Variants in RNF17 observed in about 807,000 individuals in gnomAD.
RNF17 encodes spermatogenesis associated 23.
A neutral mutation model predicts 200.5 loss-of-function variants in RNF17; 31 were observed. The ratio of observed to expected loss-of-function variants is 0.15; its 90% confidence interval spans 0.12 to 0.21. The LOEUF (loss-of-function observed/expected upper bound fraction) is 0.21. Ranked by LOEUF, RNF17 falls within the 10% of genes least tolerant of loss-of-function variation. RNF17 has a pLI of 1.00. For missense variants in RNF17, 1,628 were observed against 1,905.1 expected, an observed-to-expected ratio of 0.85 and a Z score of 2.71; for synonymous variants, 606 against 637.8, an observed-to-expected ratio of 0.95 and a Z score of 0.75.
At chr13:24,779,247 A>G (rs946612608) in intron 4 of RNF17, among the ~76,000 whole-genome samples, 1 of 152,054 alleles carries the variant, frequency 6.6e-6, no homozygotes, top group African/African-American at 2.4e-5. Flanking sequence ...GAAGGGGAGA[A>G]AGCACTTAAT....
chr13:24,771,739 C>T (rs9888497), intron 2 of RNF17, among the ~76,000 whole-genome samples: 65,294 of 151,182 alleles, frequency 0.43, 14,173 homozygotes, highest in East Asian at 0.47. Flanking sequence ...GTTGGCTGAG[C>T]TCACGCCTGT....
chr13:24,778,176 C>T (rs569333148), intron 3 of RNF17, 119 bp from the exon 4 acceptor site: 7 of 626,916 alleles, frequency 1.1e-5, no homozygotes, highest in African/African-American at 3.8e-5. Flanking sequence ...GTGGGATGAT[C>T]GCTGGAGCCT....
chr13:24,862,755 C>A lies in RNF17; in HGVS notation c.3937C>A (p.Gln1313Lys). Residue 1313 changes from glutamine (Q) to lysine (K), a missense_variant, in exon 28 of 36, where the codon CAA becomes AAA. Transcript: ENST00000255324. ...WQPDAIEVLQ[Q>K]LLSKRQVDIH... ...ACCAGATGCAATAGAAGTTCTTCAACAACTGCTTTCAAAGAGACAGGTGGA... is the reference window on the plus strand; with the variant it reads ...ACCAGATGCAATAGAAGTTCTTCAAAAACTGCTTTCAAAGAGACAGGTGGA... 1.9e-6 allele frequency: 3 copies of A among 1,608,590 alleles called. No individual in the cohort carries two copies. The highest frequency in any genetic ancestry group is 1.1e-5 in the South Asian group (1 of 90,902).
chr13:24,748,297 G>T, the RNF17 span, among the ~76,000 whole-genome samples: 1 of 152,214 alleles, frequency 6.6e-6, no homozygotes, highest in Admixed American at 6.5e-5. Context: ...CATCAAAAGT[G>T]GCAGTAATTA....
the RNF17 span, among the ~76,000 whole-genome samples, chr13:24,752,397 C>A: frequency 6.6e-6 from 1 of 152,182 alleles, no homozygotes; most frequent in South Asian, 2.1e-4. Flanking sequence ...ATGCTTCAGC[C>A]ATAAAGCTTT....
Position 24,778,303 on chromosome 13 carries a change from A to T in RNF17, c.326A>T (p.Asn109Ile). 6.3e-7 allele frequency: 1 copy of T among 1,599,772 alleles called. No homozygotes were observed. The change falls in exon 4 of 36, where the codon AAT becomes ATT. Residue 109 changes from asparagine to isoleucine, a missense_variant. Physicochemically the swap from Asn to Ile is moderately radical, Grantham distance 149. This residue lies in a region of RNF17 where 502 missense variants were observed against 501.7 expected (regional missense o/e 1.00). Coordinates refer to ENST00000255324, the MANE Select transcript of RNF17 (RefSeq NM_031277.3). Reference sequence around the variant, plus strand: ...TACTTGATACTTTTCAGGATAAAGAATTGTTCTCAGGACTTTAAGAAGACT... The same window carrying T: ...TACTTGATACTTTTCAGGATAAAGATTTGTTCTCAGGACTTTAAGAAGACT... ...MEKLQPKTIK[N>I]CSQDFKKTAD...
In RNF17 at chr13:24,822,829, T is replaced by C. The variant is rs1356599571; in HGVS notation, c.2092-2790T>C. 2.6e-5 allele frequency among the ~76,000 whole-genome samples: 4 copies of C among 152,250 alleles called. No homozygotes were observed. In the East Asian group the frequency reaches 7.7e-4, roughly 29 times the overall value. ...GATGCTGTGACACAGAAACTTCTGA[T>C]ATCAGTCAGTACCTGCAAGCCCTAT... is the stretch of plus-strand genomic sequence containing the variant. On this transcript the variant is annotated intron_variant, in intron 15 of 35. Transcript: ENST00000255324.
intron 24 of RNF17, among the ~76,000 whole-genome samples, chr13:24,852,274 G>T (rs991261961): frequency 6.6e-6 from 1 of 151,968 alleles, no homozygotes; most frequent in Non-Finnish European, 1.5e-5. Context: ...GAGTAGCTGG[G>T]ACTACAGGTG....
chr13:24,829,413 A>T (rs1254232421), intron 16 of RNF17, among the ~76,000 whole-genome samples: 1 of 152,228 alleles, frequency 6.6e-6, no homozygotes, highest in African/African-American at 2.4e-5. Flanking sequence ...CTACATTTCC[A>T]TTCAGAGACT....
intron 34 of RNF17, 50 bp from the exon 35 acceptor site, chr13:24,879,137 G>T: frequency 5.8e-6 from 8 of 1,387,712 alleles, no homozygotes; most frequent in Non-Finnish European, 8.2e-6. Flanking sequence ...AGAGGGAAAA[G>T]GCAGCAAAGA....
intron 15 of RNF17, among the ~76,000 whole-genome samples, chr13:24,818,546 A>G (rs1887672108): frequency 6.6e-6 from 1 of 152,054 alleles, no homozygotes. Flanking sequence ...TGTTTGCTTC[A>G]TATATTTGGG....
chr13:24,764,207 G>A lies in RNF17; in HGVS notation c.4G>A (p.Ala2Thr), dbSNP rs770117377. Residue 2 changes from alanine to threonine, a missense_variant, in exon 1 of 36, where the codon GCG becomes ACG. This residue lies in a region of RNF17 where 502 missense variants were observed against 501.7 expected (regional missense o/e 1.00). Transcript: ENST00000255324. M[A>T]AEASKTGPSR... ...GTTCCAGAAGAAAGAGACAGCGATG[G>A]CGGCAGAGGCTTCGAAGACTGGGCC... The A allele has an allele frequency of 6.3e-7, 1 of 1,587,176 alleles. No homozygotes were observed. The highest frequency in any genetic ancestry group is 8.6e-7 in the Non-Finnish European group (1 of 1,159,244).
intron 6 of RNF17, among the ~76,000 whole-genome samples, chr13:24,785,909 CT>C (rs1883046171): frequency 1.3e-5 from 2 of 152,084 alleles, no homozygotes; most frequent in South Asian, 4.1e-4. Context: ...CTCTATATGT[CT>C]TTAGACCTAA....
rs554403118 is a variant in RNF17, at chr13:24,778,337, G to A, written c.360G>A (p.Gln120=). Residue 120 remains glutamine (Q), a synonymous_variant, in exon 4 of 36, where the codon CAG becomes CAA. Transcript: ENST00000255324. ...CSQDFKKTAD[Q]LTTGLERSAS... is the part of the protein sequence containing the mutation. Reference sequence around the variant, plus strand: ...AGGACTTTAAGAAGACTGCTGATCAGCTAACTACTGGTTTAGAACGTTCAG... The same window carrying A: ...AGGACTTTAAGAAGACTGCTGATCAACTAACTACTGGTTTAGAACGTTCAG... 33 of 1,613,552 alleles carry A rather than the reference G, an allele frequency of 2.0e-5. No individual in the cohort carries two copies. The East Asian group carries it at 5.1e-4, about 25-fold the overall frequency.
chr13:24,799,607 T>TC lies in RNF17; in HGVS notation c.1589+25dup, dbSNP rs770992165. On this transcript the variant is annotated intron_variant, in intron 12 of 35. Coordinates refer to ENST00000255324, the MANE Select transcript of RNF17 (RefSeq NM_031277.3). ...TGGGTATGATATTTTATAATATGTA[T>TC]CCTTGGCCTGCTTAGAAACATTTTG... 28 of 1,464,668 alleles carry TC rather than the reference T, an allele frequency of 1.9e-5. No homozygotes were observed. The Admixed American group carries it at 5.4e-4, about 28-fold the overall frequency. The allele number at this position is 1,464,668 out of a possible 1,614,324, so 90.7% of individuals were successfully genotyped here. A position where few individuals can be genotyped will look rare whatever the true frequency, so the allele number is the denominator to read the frequency against.
chr13:24,749,309 T>TTCTTTC, the RNF17 span, among the ~76,000 whole-genome samples: 1 of 134,460 alleles, frequency 7.4e-6, no homozygotes. Context: ...CTTTCTTTCT[T>TTCTTTC]TTTTTTTTTT....
chr13:24,844,257 A>G (rs138965688), intron 20 of RNF17, among the ~76,000 whole-genome samples: 360 of 152,298 alleles, frequency 2.4e-3, no homozygotes, highest in Non-Finnish European at 3.9e-3. Flanking sequence ...CTTTGTTACC[A>G]TGTAGCTTAA....
chr13:24,812,921 A>G (rs1025723903), intron 15 of RNF17, among the ~76,000 whole-genome samples: 2 of 151,718 alleles, frequency 1.3e-5, no homozygotes, highest in African/African-American at 2.4e-5. Flanking sequence ...TGACTTTGTG[A>G]TCCACCCGCC....
the RNF17 span, among the ~76,000 whole-genome samples, chr13:24,755,845 A>G: frequency 1.3e-5 from 2 of 152,142 alleles, no homozygotes; most frequent in Non-Finnish European, 2.9e-5. Context: ...ATATTGCTTT[A>G]TAGTATTGCT....
Sources: allele counts gnomAD v4.1 joint callset (sites outside exome capture counted in the v4.1 genomes callset), GRCh38; gene constraint gnomAD v4.1.1; regional missense constraint gnomAD v4.1.1; transcripts MANE v1.5; gene names NCBI Gene and HGNC (gene_info 2026-07-23, HGNC 2026-07-21).